Variants in FNIP1 observed in about 807,000 individuals in gnomAD.
FNIP1 encodes folliculin-interacting protein 1.
In FNIP1, 40 loss-of-function variants were observed where a neutral mutation model predicts 124.5. The ratio of observed to expected loss-of-function variants is 0.32; its 90% confidence interval spans 0.25 to 0.42. FNIP1 has a LOEUF of 0.42. FNIP1 is among the 10% of genes least tolerant of loss of function. The pLI is 1.00. For synonymous variants in FNIP1, 472 were observed against 470.6 expected (o/e 1.00, Z -0.04); for missense variants, 1,176 against 1,403.7 (o/e 0.84, Z 2.59).
intron 1 of FNIP1, among the ~76,000 whole-genome samples, chr5:131,756,497 A>C (rs1314828718): frequency 6.6e-6 from 1 of 152,146 alleles, no homozygotes; most frequent in East Asian, 1.9e-4. Context: ...AATATTTCCA[A>C]GTTGAGGGGA....
intron 1 of FNIP1, among the ~76,000 whole-genome samples, chr5:131,754,618 A>G (rs954876298): frequency 6.6e-6 from 1 of 152,236 alleles, no homozygotes; most frequent in African/African-American, 2.4e-5. Context: ...CATCTGCTGT[A>G]ATTCTTAGTG....
In FNIP1 at chr5:131,706,558, G is replaced by C; in HGVS notation, c.779-12C>G. On this transcript the variant is annotated splice_polypyrimidine_tract_variant and intron_variant, in intron 8 of 17. Coordinates refer to ENST00000510461, the MANE Select transcript of FNIP1 (RefSeq NM_133372.3). ...GCTGCTGAGAGATGCTGTTAAGTCA[G>C]AAGAACAACAAGTATAAGTCAATAA... The C allele has an allele frequency of 6.4e-7, 1 of 1,555,890 alleles. No individual in the cohort carries two copies. Among genetic ancestry groups the C allele is most frequent in the South Asian group, 1.2e-5 (1 of 81,774 alleles).
chr5:131,725,786 G>A (rs1769840452), intron 3 of FNIP1, among the ~76,000 whole-genome samples: 1 of 152,120 alleles, frequency 6.6e-6, no homozygotes, highest in African/African-American at 2.4e-5. Context: ...GTTTTCAAAG[G>A]GAATGCTTCC....
At chr5:131,687,605 C>T (rs1418780005) in intron 11 of FNIP1, among the ~76,000 whole-genome samples, 1 of 152,132 alleles carries the variant, frequency 6.6e-6, no homozygotes, top group African/African-American at 2.4e-5. Flanking sequence ...TTAGTTACAT[C>T]ACCAAACTGC....
chr5:131,681,650 G>T (rs770007088), intron 11 of FNIP1, among the ~76,000 whole-genome samples: 3 of 90,690 alleles, frequency 3.3e-5, no homozygotes, highest in Non-Finnish European at 7.0e-5. Flanking sequence ...AAGCATCAAA[G>T]ATTTGCTGAA....
chr5:131,672,015 G>A lies in FNIP1; in HGVS notation c.2429C>T (p.Thr810Ile). ...GGGCTCTTCAGAAACCATGTTCTGT[G>A]TATCAGACTCTCCAGATTGGTCCTT... is the stretch of plus-strand genomic sequence containing the variant. ...TTKDQSGESD[T>I]QNMVSEEPCE... The change falls in exon 14 of 18, where the codon ACA becomes ATA. Residue 810 changes from threonine to isoleucine, a missense_variant. Transcript: ENST00000510461. 2 of 1,614,162 alleles carry A rather than the reference G, an allele frequency of 1.2e-6. No homozygotes were observed. Among genetic ancestry groups the A allele is most frequent in the Non-Finnish European group, 1.7e-6 (2 of 1,180,018 alleles).
At chr5:131,718,917 C>G (rs1269466539) in intron 5 of FNIP1, 69 bp downstream of exon 5, 1 of 1,297,720 alleles carries the variant, frequency 7.7e-7, no homozygotes, top group Admixed American at 1.8e-5. Flanking sequence ...GTCCTAAAAG[C>G]AGTTGGTTAG....
chr5:131,690,971 A>T (rs1390513459), intron 11 of FNIP1, among the ~76,000 whole-genome samples: 2 of 152,180 alleles, frequency 1.3e-5, no homozygotes, highest in Non-Finnish European at 2.9e-5. Flanking sequence ...ATTAGTAAGG[A>T]TATAATAGAG....
chr5:131,791,878 GAA>G (rs67593080), intron 1 of FNIP1, among the ~76,000 whole-genome samples: 5 of 148,810 alleles, frequency 3.4e-5, no homozygotes, highest in African/African-American at 7.5e-5. Context: ...ATTATGGAAA[GAA>G]AAAAAAAAAG....
intron 1 of FNIP1, among the ~76,000 whole-genome samples, chr5:131,771,364 T>C (rs1486717360): frequency 6.6e-6 from 1 of 152,184 alleles, no homozygotes; most frequent in African/African-American, 2.4e-5. Context: ...CATCATACTC[T>C]TAAGGCAGAA....
At chr5:131,662,571 G>A (rs778736440) in intron 15 of FNIP1, among the ~76,000 whole-genome samples, 3 of 152,130 alleles carry the variant, frequency 2.0e-5, no homozygotes, top group African/African-American at 7.2e-5. Flanking sequence ...TCCCACAGTG[G>A]TGGGTGGCTT....
intron 3 of FNIP1, among the ~76,000 whole-genome samples, chr5:131,721,281 A>C (rs945930603): frequency 6.6e-6 from 1 of 152,208 alleles, no homozygotes; most frequent in Non-Finnish European, 1.5e-5. Flanking sequence ...TGAGGTATTT[A>C]AAATAGCCAA....
intron 15 of FNIP1, among the ~76,000 whole-genome samples, chr5:131,661,220 T>TGTGTGTG (rs1554092139): frequency 0.065 from 9,622 of 147,658 alleles, 451 homozygotes; most frequent in African/African-American, 0.12. Context: ...TGTCTTTGTT[T>TGTGTGTG]TGTGTGTGTG....
chr5:131,667,672 T>TCTA (rs35946345), intron 15 of FNIP1, among the ~76,000 whole-genome samples: 11,338 of 152,194 alleles, frequency 0.074, 854 homozygotes, highest in African/African-American at 0.2. Flanking sequence ...CACTGCAACC[T>TCTA]CTACCTCCTG....
At chr5:131,706,572 A>G (rs538646914) in intron 8 of FNIP1, 26 bp from the exon 9 acceptor site, 45 of 1,510,812 alleles carry the variant, frequency 3.0e-5, no homozygotes, top group South Asian at 1.6e-4. Context: ...AACAACAAGT[A>G]TAAGTCAATA....
intron 12 of FNIP1, 51 bp downstream of exon 12, chr5:131,678,978 A>AT (rs1313055922): frequency 1.6e-6 from 2 of 1,256,610 alleles, no homozygotes; most frequent in African/African-American, 3.1e-5. Context: ...CACATCTGTA[A>AT]TTGAGTTTGA....
chr5:131,665,049 G>A (rs1005262651), intron 15 of FNIP1, among the ~76,000 whole-genome samples: 1 of 151,776 alleles, frequency 6.6e-6, no homozygotes, highest in African/African-American at 2.4e-5. Flanking sequence ...ACATATATAT[G>A]ATATATAAAT....
intron 1 of FNIP1, among the ~76,000 whole-genome samples, chr5:131,774,396 G>A (rs1194292651): frequency 5.9e-5 from 9 of 152,258 alleles, no homozygotes; most frequent in Non-Finnish European, 7.4e-5. Flanking sequence ...CAGTATATCC[G>A]ATATAACATC....
intron 11 of FNIP1, among the ~76,000 whole-genome samples, chr5:131,694,632 G>A (rs1163232789): frequency 6.6e-6 from 1 of 152,132 alleles, no homozygotes; most frequent in South Asian, 2.1e-4. Context: ...GGGATTTTTA[G>A]GGCGGTGAAA....
Sources: allele counts gnomAD v4.1 joint callset (sites outside exome capture counted in the v4.1 genomes callset), GRCh38; gene constraint gnomAD v4.1.1; transcripts MANE v1.5; gene names NCBI Gene and HGNC (gene_info 2026-07-23, HGNC 2026-07-21).